The following KIRREL3 variants were observed in gnomAD, a reference collection of about 807,000 sequenced individuals.
KIRREL3 encodes kirre like nephrin family adhesion molecule 3.
A neutral mutation model predicts 89.7 loss-of-function variants in KIRREL3; 36 were observed. The observed-to-expected ratio is 0.40, with a 90% confidence interval of 0.31 to 0.53. KIRREL3 has a LOEUF of 0.53. Ranked by LOEUF, KIRREL3 falls within the 20% of genes least tolerant of loss-of-function variation. The pLI is 0.49. For synonymous variants in KIRREL3, 445 were observed against 441.4 expected, an observed-to-expected ratio of 1.01 and a Z score of -0.10; for missense variants, 864 against 1,056.6, an observed-to-expected ratio of 0.82 and a Z score of 2.53.
intron 4 of KIRREL3, among the ~76,000 whole-genome samples, chr11:126,517,771 C>T (rs1017861022): frequency 3.9e-5 from 6 of 152,152 alleles, no homozygotes; most frequent in South Asian, 2.1e-4. Flanking sequence ...CAGTTCTCAG[C>T]GATCATCTTA....
chr11:126,477,766 C>G lies in KIRREL3; in HGVS notation c.434-4300G>C, dbSNP rs1281753175. Among the ~76,000 whole-genome samples the G allele has an allele frequency of 2.6e-5, 4 of 152,102 alleles. No homozygotes were observed. The highest frequency in any genetic ancestry group is 9.7e-5 in the African/African-American group (4 of 41,412). On this transcript the variant is annotated intron_variant, in intron 4 of 16. Transcript: ENST00000525144. The surrounding 1 kb of genome is among the most constrained non-coding windows in gnomAD (Gnocchi z 4.8). ...CCTGGCTGGGCTTCCAGGAATTCCTCGATGCTCCATCAGCCTGGGATGGTT... is the reference window on the plus strand; with the variant it reads ...CCTGGCTGGGCTTCCAGGAATTCCTGGATGCTCCATCAGCCTGGGATGGTT...
At position 126,990,906 on chromosome 11, in the gene KIRREL3, G is replaced by T. The variant is rs1415028818; in HGVS notation, c.55+9549C>A. Reference sequence around the variant, plus strand: ...GGGAATCACTCCTCCTGCCACTCCCGGATGAACGTGCTAAGCTTCCTGTGC... The same window carrying T: ...GGGAATCACTCCTCCTGCCACTCCCTGATGAACGTGCTAAGCTTCCTGTGC... On this transcript the variant is annotated intron_variant, in intron 1 of 16. Coordinates refer to ENST00000525144, the MANE Select transcript of KIRREL3 (RefSeq NM_032531.4). The surrounding 1 kb of genome is among the most constrained non-coding windows in gnomAD (Gnocchi z 6.3). 2.0e-5 allele frequency among the ~76,000 whole-genome samples: 3 copies of T among 152,150 alleles called. No homozygotes were observed. Among genetic ancestry groups the T allele is most frequent in the Non-Finnish European group, 4.4e-5 (3 of 68,018 alleles).
chr11:126,481,229 G>A (rs1165454979), intron 4 of KIRREL3, among the ~76,000 whole-genome samples: 1 of 152,094 alleles, frequency 6.6e-6, no homozygotes, highest in East Asian at 1.9e-4. Context: ...TTGGCCTCCG[G>A]GATTCCCTCC....
chr11:126,968,853 A>G (rs1949352981), intron 1 of KIRREL3, among the ~76,000 whole-genome samples: 1 of 152,030 alleles, frequency 6.6e-6, no homozygotes, highest in Non-Finnish European at 1.5e-5. Context: ...TCCCACACCT[A>G]CCAACTAGCT....
chr11:126,920,919 G>C (rs891696876), intron 1 of KIRREL3, among the ~76,000 whole-genome samples: 1 of 152,196 alleles, frequency 6.6e-6, no homozygotes, highest in Non-Finnish European at 1.5e-5. Flanking sequence ...GTTAATGTTA[G>C]GTGTCAACTT....
At position 126,812,878 on chromosome 11, in the gene KIRREL3, G is replaced by C. The variant is rs1277801619; in HGVS notation, c.55+187577C>G. Among the ~76,000 whole-genome samples, 1 of 152,210 alleles carries C rather than the reference G, an allele frequency of 6.6e-6. No homozygotes were observed. Among genetic ancestry groups the C allele is most frequent in the Non-Finnish European group, 1.5e-5 (1 of 68,048 alleles). ...TCCATCTAAAGGAAGTGGCCTACGG[G>C]AATCTGCGCACCTCTGCTGTGACCG... On this transcript the variant is annotated intron_variant, in intron 1 of 16. Coordinates refer to ENST00000525144, the MANE Select transcript of KIRREL3 (RefSeq NM_032531.4). This position sits in a 1 kb window ranked among gnomAD's most constrained non-coding sequence, Gnocchi z 5.2.
At chr11:126,633,973 C>T (rs935660281) in intron 1 of KIRREL3, among the ~76,000 whole-genome samples, 2 of 152,182 alleles carry the variant, frequency 1.3e-5, no homozygotes, top group Admixed American at 1.3e-4. Flanking sequence ...CCTCCTTCCA[C>T]CTCTTCAGAA....
At chr11:126,733,456 A>C (rs977582138) in intron 1 of KIRREL3, among the ~76,000 whole-genome samples, 6 of 152,192 alleles carry the variant, frequency 3.9e-5, no homozygotes, top group Non-Finnish European at 8.8e-5. Flanking sequence ...ACCAGTTTGC[A>C]TCTTAGGAAG....
intron 1 of KIRREL3, among the ~76,000 whole-genome samples, chr11:126,738,948 AT>A (rs750823128): frequency 6.6e-6 from 1 of 152,196 alleles, no homozygotes; most frequent in African/African-American, 2.4e-5. Flanking sequence ...TCAAACTATG[AT>A]TTTTTTGACT....
rs1943830582 is a variant in KIRREL3 at position 126,837,791 on chromosome 11, T to A, written c.55+162664A>T. 1.3e-5 allele frequency among the ~76,000 whole-genome samples: 2 copies of A among 152,340 alleles called. No individual in the cohort carries two copies. Among genetic ancestry groups the A allele is most frequent in the South Asian group, 4.1e-4 (2 of 4,824 alleles). Reference sequence around the variant, plus strand: ...CTACCTCTCACAATGGAAGCTTTGTTTATTTCACATGGGACAGCAACTTGC... The same window carrying A: ...CTACCTCTCACAATGGAAGCTTTGTATATTTCACATGGGACAGCAACTTGC... On this transcript the variant is annotated intron_variant, in intron 1 of 16. Coordinates refer to ENST00000525144, the MANE Select transcript of KIRREL3 (RefSeq NM_032531.4). This position sits in a 1 kb window ranked among gnomAD's most constrained non-coding sequence, Gnocchi z 4.7.
At chr11:126,450,981 G>A (rs1019650205) in intron 7 of KIRREL3, among the ~76,000 whole-genome samples, 1 of 151,692 alleles carries the variant, frequency 6.6e-6, no homozygotes, top group Admixed American at 6.6e-5. Flanking sequence ...ATGGGTGTGT[G>A]CATGTGTCAA....
In KIRREL3 at chr11:126,429,707, A is replaced by G. The variant is rs1240222357; in HGVS notation, c.1697-419T>C. Among the ~76,000 whole-genome samples the G allele has an allele frequency of 6.6e-6, 1 of 152,150 alleles. No individual in the cohort carries two copies. The highest frequency in any genetic ancestry group is 1.5e-5 in the Non-Finnish European group (1 of 68,030). On this transcript the variant is annotated intron_variant, in intron 14 of 16. Transcript: ENST00000525144. The surrounding 1 kb of genome is among the most constrained non-coding windows in gnomAD (Gnocchi z 5.2). ...AATCTCAGTGTTGGAAAGGACCTCA[A>G]AGTGCCCATGGCCAACCCCCATCCA... is the stretch of plus-strand genomic sequence containing the variant.
intron 1 of KIRREL3, among the ~76,000 whole-genome samples, chr11:126,873,762 C>G (rs979115897): frequency 6.6e-6 from 1 of 152,178 alleles, no homozygotes; most frequent in Non-Finnish European, 1.5e-5. Context: ...ATACACTGAG[C>G]AACAGTATCC....
rs1024397235 is a variant in KIRREL3 at position 126,498,389 on chromosome 11, C to T, written c.433+22926G>A. ...CCTCTCTTTAATAAGCCAGGCTCTT[C>T]CCCCCGACCCTGCGATTGTGTTCCT... On this transcript the variant is annotated intron_variant, in intron 4 of 16. Coordinates refer to ENST00000525144, the MANE Select transcript of KIRREL3 (RefSeq NM_032531.4). The surrounding 1 kb of genome is among the most constrained non-coding windows in gnomAD (Gnocchi z 4.3). 1.3e-5 allele frequency among the ~76,000 whole-genome samples: 2 copies of T among 152,144 alleles called. No individual in the cohort carries two copies. Among genetic ancestry groups the T allele is most frequent in the African/African-American group, 2.4e-5 (1 of 41,430 alleles).
At chr11:126,493,023 T>C (rs1459228483) in intron 4 of KIRREL3, among the ~76,000 whole-genome samples, 1 of 152,238 alleles carries the variant, frequency 6.6e-6, no homozygotes, top group African/African-American at 2.4e-5. Flanking sequence ...GAATTGGCAC[T>C]GCTTGTTGCA....
In KIRREL3 at chr11:126,994,970, A is replaced by G. The variant is rs1950136462; in HGVS notation, c.55+5485T>C. ...GGTAAATTCTGACTTTCTCTTGGGAAAAGAAAATGACATGCAATGACGTAT... is the reference window on the plus strand; with the variant it reads ...GGTAAATTCTGACTTTCTCTTGGGAGAAGAAAATGACATGCAATGACGTAT... On this transcript the variant is annotated intron_variant, in intron 1 of 16. Coordinates refer to ENST00000525144, the MANE Select transcript of KIRREL3 (RefSeq NM_032531.4). The surrounding 1 kb of genome is among the most constrained non-coding windows in gnomAD (Gnocchi z 5.2). The G allele has an allele frequency of 5.8e-6, 2 of 343,818 alleles. No homozygotes were observed. Among genetic ancestry groups the G allele is most frequent in the Non-Finnish European group, 1.1e-5 (2 of 174,466 alleles). 21.3% of individuals were successfully genotyped at this position (343,818 alleles called of 1,614,324 possible). A position where few individuals can be genotyped will look rare whatever the true frequency, so the allele number is the denominator to read the frequency against.
rs1251571182 is a variant in KIRREL3, at chr11:126,564,262, C to T, written c.56-1350G>A. Among the ~76,000 whole-genome samples, 2 of 152,216 alleles carry T rather than the reference C, an allele frequency of 1.3e-5. No individual in the cohort carries two copies. Among genetic ancestry groups the T allele is most frequent in the East Asian group, 1.9e-4 (1 of 5,190 alleles). ...GCTCAAGAGGATAGACGGAGCGGGT[C>T]ATTCCTCTTTCTCCTCTTCCATCCA... On this transcript the variant is annotated intron_variant, in intron 1 of 16. Coordinates refer to ENST00000525144, the MANE Select transcript of KIRREL3 (RefSeq NM_032531.4). The surrounding 1 kb of genome is among the most constrained non-coding windows in gnomAD (Gnocchi z 7.4).
chr11:126,507,512 A>G (rs1305137657), intron 4 of KIRREL3, among the ~76,000 whole-genome samples: 1 of 152,134 alleles, frequency 6.6e-6, no homozygotes, highest in African/African-American at 2.4e-5. Context: ...AATACACTAT[A>G]AAGTTTTCTT....
Position 126,530,838 on chromosome 11 carries a change from CT to C in KIRREL3, c.134-4152del, listed in dbSNP as rs536442847. 1.3e-5 allele frequency among the ~76,000 whole-genome samples: 2 copies of C among 150,670 alleles called. No individual in the cohort carries two copies. The highest frequency in any genetic ancestry group is 6.6e-5 in the Admixed American group (1 of 15,132). On this transcript the variant is annotated intron_variant, in intron 2 of 16. Transcript: ENST00000525144. The surrounding 1 kb of genome is among the most constrained non-coding windows in gnomAD (Gnocchi z 5.8). ...CTTCCCATACTTTATTTTTATTTTT[CT>C]TTTTTTTTTGAGACGGAGTCTGACT...
Sources: allele counts gnomAD v4.1 joint callset (sites outside exome capture counted in the v4.1 genomes callset), GRCh38; gene constraint gnomAD v4.1.1; non-coding constraint Gnocchi (gnomAD v3.1); transcripts MANE v1.5; gene names NCBI Gene and HGNC (gene_info 2026-07-23, HGNC 2026-07-21).